Variants in RFX3 observed in about 807,000 individuals in gnomAD.
RFX3 encodes the protein regulatory factor X3, also known as transcription factor RFX3.
Under a neutral mutation model 98.6 loss-of-function variants are expected in RFX3, and 14 were observed. That is an observed-to-expected ratio of 0.14 (90% CI 0.09 to 0.22). The LOEUF (loss-of-function observed/expected upper bound fraction) is 0.22. RFX3 is among the 10% of genes least tolerant of loss of function. RFX3 has a pLI of 1.00. For missense variants in RFX3, 639 were observed against 926.9 expected (o/e 0.69, Z 4.03); for synonymous variants, 383 against 328.4 (o/e 1.17, Z -1.80).
At chr9:3,284,524 A>AT (rs1263417181) in intron 7 of RFX3, among the ~76,000 whole-genome samples, 2 of 151,542 alleles carry the variant, frequency 1.3e-5, no homozygotes, top group African/African-American at 4.8e-5. Flanking sequence ...TAACCATGGT[A>AT]TTTTACCTCC....
At chr9:3,301,330 A>C (rs1443818745) in intron 5 of RFX3, among the ~76,000 whole-genome samples, 3 of 151,940 alleles carry the variant, frequency 2.0e-5, no homozygotes, top group Non-Finnish European at 4.4e-5. Flanking sequence ...CTGTACCCAA[A>C]GAGTACAGAA....
At chr9:3,330,110 T>G (rs1310644133) in intron 4 of RFX3, 149 bp downstream of exon 4, 2 of 760,830 alleles carry the variant, frequency 2.6e-6, no homozygotes, top group Non-Finnish European at 4.2e-6. Context: ...ATACTACATA[T>G]ACTACATTCT....
At chr9:3,396,591 T>C (rs1399477708) in intron 1 of RFX3, among the ~76,000 whole-genome samples, 1 of 151,878 alleles carries the variant, frequency 6.6e-6, no homozygotes, top group Non-Finnish European at 1.5e-5. Context: ...GTATTTCTAG[T>C]TCTAGATCCC....
At chr9:3,516,345 G>C (rs1166091514) in intron 1 of RFX3, among the ~76,000 whole-genome samples, 16 of 152,118 alleles carry the variant, frequency 1.1e-4, no homozygotes, top group Non-Finnish European at 1.8e-4. Flanking sequence ...ACCGCACCCA[G>C]CCTAAACTAA....
At chr9:3,427,700 G>A (rs1034203011) in intron 1 of RFX3, among the ~76,000 whole-genome samples, 1 of 151,842 alleles carries the variant, frequency 6.6e-6, no homozygotes, top group Admixed American at 6.6e-5. Context: ...TTAAACTTGG[G>A]ACACAGCTCC....
At chr9:3,473,846 C>G (rs561243670) in intron 1 of RFX3, among the ~76,000 whole-genome samples, 1 of 152,204 alleles carries the variant, frequency 6.6e-6, no homozygotes, top group South Asian at 2.1e-4. Flanking sequence ...ATTGAAAAGA[C>G]TTGATAAAGG....
At chr9:3,258,747 T>C (rs1175862043) in intron 13 of RFX3, among the ~76,000 whole-genome samples, 3 of 151,952 alleles carry the variant, frequency 2.0e-5, no homozygotes, top group Non-Finnish European at 2.9e-5. Context: ...AGCATATTGA[T>C]GTATGTACCT....
chr9:3,524,181 AT>A (rs1818991403), intron 1 of RFX3, among the ~76,000 whole-genome samples: 1 of 152,234 alleles, frequency 6.6e-6, no homozygotes, highest in Non-Finnish European at 1.5e-5. Context: ...GCACACATTC[AT>A]TATCAAAACT....
intron 1 of RFX3, among the ~76,000 whole-genome samples, chr9:3,520,017 G>A (rs1437640148): frequency 6.6e-6 from 1 of 152,188 alleles, no homozygotes; most frequent in Non-Finnish European, 1.5e-5. Flanking sequence ...GGCTGTGGCA[G>A]GAGGACCACG....
At chr9:3,432,189 G>A (rs1394280514) in intron 1 of RFX3, among the ~76,000 whole-genome samples, 2 of 152,090 alleles carry the variant, frequency 1.3e-5, no homozygotes, top group Non-Finnish European at 1.5e-5. Context: ...AACGGCCTGT[G>A]TTTCAAAGTT....
At chr9:3,325,805 ACT>A (rs1831845918) in intron 4 of RFX3, among the ~76,000 whole-genome samples, 1 of 152,086 alleles carries the variant, frequency 6.6e-6, no homozygotes, top group Non-Finnish European at 1.5e-5. Flanking sequence ...AGGTTCCAAA[ACT>A]CTAAAATTCT....
intron 1 of RFX3, among the ~76,000 whole-genome samples, chr9:3,511,373 T>A (rs1255818245): frequency 6.6e-6 from 1 of 151,926 alleles, no homozygotes; most frequent in Non-Finnish European, 1.5e-5. Context: ...GGCTATAGAT[T>A]TTAGAATTGT....
chr9:3,406,869 T>A (rs1842019992), intron 1 of RFX3, among the ~76,000 whole-genome samples: 1 of 152,196 alleles, frequency 6.6e-6, no homozygotes, highest in Admixed American at 6.5e-5. Context: ...AAAGATTTTG[T>A]GTATAGTTTT....
At chr9:3,466,415 C>T (rs548592229) in intron 1 of RFX3, among the ~76,000 whole-genome samples, 2 of 152,128 alleles carry the variant, frequency 1.3e-5, no homozygotes, top group Non-Finnish European at 1.5e-5. Context: ...AAATGTGATG[C>T]AATAAAAGCA....
At chr9:3,328,407 T>G (rs924625057) in intron 4 of RFX3, among the ~76,000 whole-genome samples, 1 of 152,186 alleles carries the variant, frequency 6.6e-6, no homozygotes, top group African/African-American at 2.4e-5. Context: ...AACTAACCCC[T>G]TATTTTATTG....
chr9:3,302,039 G>A (rs895133562), intron 4 of RFX3, among the ~76,000 whole-genome samples: 7 of 151,828 alleles, frequency 4.6e-5, no homozygotes. Flanking sequence ...TCATACCGCA[G>A]ATTTTGAGTT....
In RFX3 at chr9:3,330,417, C is replaced by T. The variant is rs1016181586; in HGVS notation, c.316G>A (p.Val106Met). The change falls in exon 4 of 17, where the codon GTG (valine) becomes ATG (methionine). Residue 106 changes from valine (V) to methionine (M), a missense_variant. Around this residue, in one of 9 missense-constraint regions of RFX3, gnomAD observed 210 missense variants for 197.7 expected, o/e 1.06. Transcript: ENST00000617270. ...TQGSSAQVTT[V>M]VSSHSMVGTG... ...CCCACCATACTGTGGGATGAGACCA[C>T]GGTAGTCACCTGGGCGGAACTCCCT... The T allele has an allele frequency of 6.2e-6, 10 of 1,613,992 alleles. No homozygotes were observed. Among genetic ancestry groups the T allele is most frequent in the Admixed American group, 1.7e-5 (1 of 59,978 alleles).
At chr9:3,517,344 G>A (rs1468569098) in intron 1 of RFX3, among the ~76,000 whole-genome samples, 1 of 152,118 alleles carries the variant, frequency 6.6e-6, no homozygotes, top group Non-Finnish European at 1.5e-5. Context: ...CATTTTTGAA[G>A]TCCTTTATAT....
intron 1 of RFX3, among the ~76,000 whole-genome samples, chr9:3,470,100 T>C (rs1471616643): frequency 6.6e-6 from 1 of 151,968 alleles, no homozygotes; most frequent in Non-Finnish European, 1.5e-5. Context: ...TATGTAAAAA[T>C]GAAGAGCCAG....
Sources: gnomAD v4.1 joint callset for allele counts (sites outside exome capture counted in the v4.1 genomes callset) on GRCh38, gnomAD v4.1.1 for gene constraint, gnomAD v4.1.1 regional missense constraint, MANE v1.5 for transcripts, NCBI Gene and HGNC (gene_info 2026-07-23, HGNC 2026-07-21) for gene names.